TTLL10: variants seen among roughly 807,000 people sequenced by gnomAD.
The protein encoded by TTLL10 is tubulin tyrosine ligase like 10, also known as inactive polyglycylase TTLL10.
In TTLL10, 61 loss-of-function variants were observed where a neutral mutation model predicts 69.0. That is an observed-to-expected ratio of 0.88 (90% CI 0.72 to 1.09). The LOEUF (loss-of-function observed/expected upper bound fraction) is 1.09. TTLL10 is among the 50% of genes least tolerant of loss of function. The probability of loss-of-function intolerance (pLI) is 0.00; values close to 1 mark genes in which losing one functional copy is unlikely to be tolerated. For synonymous variants in TTLL10, 408 were observed against 393.3 expected (o/e 1.04, Z -0.44); for missense variants, 962 against 945.9 (o/e 1.02, Z -0.22).
chr1:1,184,174 G>C (rs1229098514), intron 12 of TTLL10, 83 bp downstream of exon 12: 8 of 1,568,278 alleles, frequency 5.1e-6, no homozygotes, highest in East Asian at 2.2e-5. Context: ...GGGTGCAGAG[G>C]GGGTGCAGCT....
rs1164014396 is a variant in TTLL10 at position 1,182,390 on chromosome 1, A to G, written c.860A>G (p.Glu287Gly). ...CTGAGAATGGAAGAGTTTTTCCCAG[A>G]GACCTACCGCCTGGACCTCAAACAC... ...RVLRMEEFFP[E>G]TYRLDLKHER... The change falls in exon 10 of 16, where the codon GAG (glutamate) becomes GGG (glycine). Residue 287 changes from glutamate (E) to glycine (G), a missense_variant. Transcript: ENST00000379289. 2 of 1,613,916 alleles carry G rather than the reference A, an allele frequency of 1.2e-6. No individual in the cohort carries two copies. Among genetic ancestry groups the G allele is most frequent in the Non-Finnish European group, 1.7e-6 (2 of 1,179,928 alleles).
chr1:1,176,124 GGA>G (rs1646863723), intron 3 of TTLL10: 1 of 445,520 alleles, frequency 2.2e-6, no homozygotes, highest in South Asian at 1.6e-5. Flanking sequence ...CTGTGCAGGT[GGA>G]GAGAGGCTGA....
chr1:1,194,639 C>A (rs1375533936), intron 13 of TTLL10, among the ~76,000 whole-genome samples: 1 of 152,232 alleles, frequency 6.6e-6, no homozygotes, highest in Non-Finnish European at 1.5e-5. Context: ...TGCCATCCCA[C>A]TGCCTGCCCA....
intron 3 of TTLL10, among the ~76,000 whole-genome samples, chr1:1,177,254 G>A (rs1646906696): frequency 6.6e-6 from 1 of 151,842 alleles, no homozygotes; most frequent in Admixed American, 6.6e-5. Flanking sequence ...CGACATGTCT[G>A]TGTGTGTCTG....
intron 3 of TTLL10, chr1:1,176,417 G>C: frequency 2.2e-6 from 1 of 454,998 alleles, no homozygotes; most frequent in Non-Finnish European, 4.4e-6. Context: ...CAGTCATCAG[G>C]TCAGCTGCAA....
At position 1,196,717 on chromosome 1, in the gene TTLL10, G is replaced by A; in HGVS notation, c.1518+1G>A. Reference sequence around the variant, plus strand: ...CTTCCTGATTGATGACAACTTCAAGGTGCTGTCCTGGGCGGCGGGGGGCAC... The same window carrying A: ...CTTCCTGATTGATGACAACTTCAAGATGCTGTCCTGGGCGGCGGGGGGCAC... On this transcript the variant is annotated splice_donor_variant, in intron 14 of 15. Coordinates refer to ENST00000379289, the MANE Select transcript of TTLL10 (RefSeq NM_001130045.2). LOFTEE classifies it high-confidence loss of function. The A allele has an allele frequency of 6.5e-7, 1 of 1,547,628 alleles. No homozygotes were observed. The highest frequency in any genetic ancestry group is 1.2e-5 in the South Asian group (1 of 83,980).
At chr1:1,178,308 C>T (rs1646935580) in intron 3 of TTLL10, among the ~76,000 whole-genome samples, 1 of 152,192 alleles carries the variant, frequency 6.6e-6, no homozygotes, top group Admixed American at 6.5e-5. Context: ...ACCTGTTATC[C>T]CAGCACTTTC....
chr1:1,179,365 C>A (rs1329731395), intron 4 of TTLL10, 32 bp downstream of exon 4: 8 of 1,536,158 alleles, frequency 5.2e-6, no homozygotes, highest in Non-Finnish European at 7.1e-6. Context: ...GGCCTCCTAC[C>A]TCTCCAAGGC....
At chr1:1,179,084 C>T in intron 3 of TTLL10, 105 bp from the exon 4 acceptor site, 1 of 755,666 alleles carries the variant, frequency 1.3e-6, no homozygotes, top group Non-Finnish European at 2.1e-6. Context: ...TGGGAGGCGC[C>T]CTTTCCTGGG....
Position 1,190,027 on chromosome 1 carries a change from G to A in TTLL10, c.1401+4918G>A, listed in dbSNP as rs185521628. On this transcript the variant is annotated intron_variant, in intron 13 of 15. Coordinates refer to ENST00000379289, the MANE Select transcript of TTLL10 (RefSeq NM_001130045.2). The stretch of plus-strand genomic sequence containing the variant: ...CTCGGGAGGCTGAGGCAGGAGAATC[G>A]CGTGAACCCGGGAGGCGGAGCTTGC... Among the ~76,000 whole-genome samples, 147 of 151,506 alleles carry A rather than the reference G, an allele frequency of 9.7e-4. 2 individuals are homozygous for A. In the East Asian group the frequency reaches 0.026, roughly 26 times the overall value.
rs557965729 is a variant in TTLL10, at chr1:1,181,045, C to T, written c.755+185C>T. Among the ~76,000 whole-genome samples the T allele has an allele frequency of 7.1e-6, 1 of 141,018 alleles. No homozygotes were observed. Among genetic ancestry groups the T allele is most frequent in the African/African-American group, 2.8e-5 (1 of 36,084 alleles). 92.5% of individuals were successfully genotyped at this position (141,018 alleles called of 152,430 possible). A position where few individuals can be genotyped will look rare whatever the true frequency, so the allele number is the denominator to read the frequency against. ...CTGCCCTTGCCCCTGCCCCTGGCCACCTGGGCTCCCAGGCTGGCCCCAGCC... is the reference window on the plus strand; with the variant it reads ...CTGCCCTTGCCCCTGCCCCTGGCCATCTGGGCTCCCAGGCTGGCCCCAGCC... On this transcript the variant is annotated intron_variant, in intron 8 of 15. Coordinates refer to ENST00000379289, the MANE Select transcript of TTLL10 (RefSeq NM_001130045.2). The surrounding 1 kb of genome is among the most constrained non-coding windows in gnomAD (Gnocchi z 4.6).
intron 13 of TTLL10, among the ~76,000 whole-genome samples, chr1:1,191,934 G>A (rs765669058): frequency 1.3e-5 from 2 of 152,254 alleles, no homozygotes; most frequent in Admixed American, 6.5e-5. Context: ...GCCTTTCAGC[G>A]GTTTTCCGCC....
rs553315851 is a variant in TTLL10, at chr1:1,182,399, G to A, written c.869G>A (p.Arg290His). Residue 290 changes from arginine to histidine, a missense_variant, in exon 10 of 16, where the codon CGC becomes CAC. Arg to His is a conservative substitution (Grantham distance 29). Coordinates refer to ENST00000379289, the MANE Select transcript of TTLL10 (RefSeq NM_001130045.2). The part of the protein sequence containing the change: ...RMEEFFPETY[R>H]LDLKHEREAF... ...GAAGAGTTTTTCCCAGAGACCTACC[G>A]CCTGGACCTCAAACACGAGAGAGAG... The A allele has an allele frequency of 5.0e-5, 81 of 1,613,946 alleles. 2 individuals are homozygous for A. In the South Asian group the frequency reaches 7.6e-4, roughly 15 times the overall value.
chr1:1,183,448 G>C (rs908782783), intron 11 of TTLL10, among the ~76,000 whole-genome samples: 1 of 151,942 alleles, frequency 6.6e-6, no homozygotes, highest in Non-Finnish European at 1.5e-5. Flanking sequence ...GTGGCTGCAC[G>C]AGGCTGAAGG....
chr1:1,180,682 A>G, intron 7 of TTLL10, 49 bp from the exon 8 acceptor site: 1 of 1,571,432 alleles, frequency 6.4e-7, no homozygotes, highest in Admixed American at 1.8e-5. Flanking sequence ...AGGGGTGGGG[A>G]CCGAGGTCCT....
chr1:1,180,457 GTC>G, intron 6 of TTLL10, 24 bp from the exon 7 acceptor site: 4 of 1,520,672 alleles, frequency 2.6e-6, no homozygotes, highest in Non-Finnish European at 2.7e-6. Context: ...CGGCCCCCAG[GTC>G]ACCCCCGCCC....
At position 1,184,001 on chromosome 1, in the gene TTLL10, C is replaced by A; in HGVS notation, c.1170C>A (p.Tyr390Ter). ...TGCTCATTGCCTGCACCACACCCTA[C>A]ATGATCTTCTTTGGCCACGGCTATG... is the stretch of plus-strand genomic sequence containing the variant. ...SYLLIACTTP[Y>*]MIFFGHGYAR... The change falls in exon 12 of 16, where the codon TAC becomes TAA. Residue 390 changes from tyrosine to a stop codon, truncating the protein, a stop_gained. Coordinates refer to ENST00000379289, the MANE Select transcript of TTLL10 (RefSeq NM_001130045.2). LOFTEE classifies it high-confidence loss of function. 6.2e-7 allele frequency: 1 copy of A among 1,614,240 alleles called. No individual in the cohort carries two copies.
chr1:1,183,621 C>T (rs944450322), intron 11 of TTLL10, among the ~76,000 whole-genome samples: 18 of 152,172 alleles, frequency 1.2e-4, no homozygotes, highest in African/African-American at 3.4e-4. Flanking sequence ...CTCTGCCTAG[C>T]GCCCGCCTGG....
intron 13 of TTLL10, among the ~76,000 whole-genome samples, chr1:1,195,816 T>C (rs1328494521): frequency 2.0e-5 from 3 of 151,604 alleles, no homozygotes; most frequent in Admixed American, 2.0e-4. Context: ...ATTTTGCTAA[T>C]TTTTTGGTAG....
Sources: allele counts gnomAD v4.1 joint callset (sites outside exome capture counted in the v4.1 genomes callset), GRCh38; gene constraint gnomAD v4.1.1; non-coding constraint Gnocchi (gnomAD v3.1); transcripts MANE v1.5; gene names NCBI Gene and HGNC (gene_info 2026-07-23, HGNC 2026-07-21).